Variants in PPP3CC observed in about 807,000 individuals in gnomAD.
PPP3CC encodes serine/threonine-protein phosphatase 2B catalytic subunit gamma isoform.
In PPP3CC, 35 loss-of-function variants were observed where a neutral mutation model predicts 60.3. The observed-to-expected ratio is 0.58, with a 90% confidence interval of 0.44 to 0.77. PPP3CC has a LOEUF of 0.77. Among genes scored for constraint, PPP3CC ranks in the 30% least tolerant of loss-of-function variants. PPP3CC has a pLI of 0.00. For missense variants in PPP3CC, 570 were observed against 628.9 expected (o/e 0.91, Z 1.00); for synonymous variants, 206 against 224.3 (o/e 0.92, Z 0.73).
chr8:22,486,709 A>G (rs1438057244), intron 3 of PPP3CC, among the ~76,000 whole-genome samples: 3 of 151,052 alleles, frequency 2.0e-5, no homozygotes, highest in Non-Finnish European at 4.4e-5. Context: ...TCTCATCTCC[A>G]GACTTGATGT....
intron 1 of PPP3CC, among the ~76,000 whole-genome samples, chr8:22,452,376 T>G (rs1399363945): frequency 6.6e-6 from 1 of 152,154 alleles, no homozygotes; most frequent in Non-Finnish European, 1.5e-5. Flanking sequence ...CTCCTGTTTG[T>G]TTTTCAAGAT....
intron 1 of PPP3CC, among the ~76,000 whole-genome samples, chr8:22,463,989 T>C (rs975614361): frequency 3.3e-5 from 5 of 152,140 alleles, no homozygotes; most frequent in African/African-American, 9.7e-5. Context: ...GGTTTCACCA[T>C]GTTGGTCAGG....
chr8:22,481,379 A>G (rs1322266449), intron 3 of PPP3CC, among the ~76,000 whole-genome samples: 3 of 147,586 alleles, frequency 2.0e-5, no homozygotes, highest in East Asian at 1.9e-4. Flanking sequence ...TAATAATAAT[A>G]ATGATAATAT....
intron 1 of PPP3CC, among the ~76,000 whole-genome samples, chr8:22,442,406 TAGA>T (rs1836699236): frequency 6.6e-6 from 1 of 152,186 alleles, no homozygotes; most frequent in Admixed American, 6.5e-5. Context: ...ATTTTGGTAT[TAGA>T]AGGAGAAAGG....
intron 4 of PPP3CC, among the ~76,000 whole-genome samples, chr8:22,503,509 CTTTT>C (rs1838821183): frequency 6.6e-6 from 1 of 151,884 alleles, no homozygotes; most frequent in South Asian, 2.1e-4. Flanking sequence ...CTTAATTATT[CTTTT>C]GTCTTATCAG....
At chr8:22,500,174 G>A (rs1266040526) in intron 4 of PPP3CC, among the ~76,000 whole-genome samples, 1 of 152,048 alleles carries the variant, frequency 6.6e-6, no homozygotes, top group Non-Finnish European at 1.5e-5. Flanking sequence ...TGTATATTGG[G>A]TTATACGCCA....
At chr8:22,492,636 G>T in intron 3 of PPP3CC, 1 of 639,154 alleles carries the variant, frequency 1.6e-6, no homozygotes, top group East Asian at 3.0e-5. Flanking sequence ...ACAGTTATGA[G>T]CCAGGAAAGA....
intron 12 of PPP3CC, among the ~76,000 whole-genome samples, chr8:22,536,739 G>A (rs1839852572): frequency 6.6e-6 from 1 of 152,122 alleles, no homozygotes; most frequent in Admixed American, 6.5e-5. Context: ...AGTTCCACCA[G>A]CTCATTGGCT....
chr8:22,481,376 A>G (rs796117885), intron 3 of PPP3CC, among the ~76,000 whole-genome samples: 14 of 133,466 alleles, frequency 1.0e-4, no homozygotes, highest in East Asian at 4.9e-4. Flanking sequence ...TAATAATAAT[A>G]ATAATGATAA....
intron 3 of PPP3CC, among the ~76,000 whole-genome samples, chr8:22,477,778 A>T (rs997205418): frequency 6.6e-6 from 1 of 152,160 alleles, no homozygotes; most frequent in Admixed American, 6.5e-5. Flanking sequence ...ATATGGAACT[A>T]TAGATGCACA....
At chr8:22,476,177 T>A (rs1837882744) in intron 3 of PPP3CC, among the ~76,000 whole-genome samples, 1 of 152,194 alleles carries the variant, frequency 6.6e-6, no homozygotes, top group Admixed American at 6.5e-5. Flanking sequence ...TAGGAACATG[T>A]TTAGAATTAA....
chr8:22,533,039 C>G, intron 12 of PPP3CC, 21 bp downstream of exon 12: 2 of 1,517,806 alleles, frequency 1.3e-6, no homozygotes, highest in Non-Finnish European at 1.8e-6. Flanking sequence ...GAGTGCTCCT[C>G]CATGGAAGGT....
intron 1 of PPP3CC, among the ~76,000 whole-genome samples, chr8:22,465,014 G>A (rs1213234237): frequency 6.7e-6 from 1 of 148,802 alleles, no homozygotes; most frequent in African/African-American, 2.5e-5. Context: ...CTGGAATGCA[G>A]TGGTGCTATC....
rs77123777 is a variant in PPP3CC, at chr8:22,497,023, G to A, written c.373-978G>A. Among the ~76,000 whole-genome samples the A allele has an allele frequency of 8.6e-4, 130 of 151,724 alleles. 1 individual carries two copies. In the East Asian group the frequency reaches 0.022, roughly 26 times the overall value. ...TTCTGTTGATTTTTTCTGTATAAAA[G>A]GTCTATTTTTGTTTGTTTGTTTTGA... On this transcript the variant is annotated intron_variant, in intron 3 of 13. Transcript: ENST00000240139.
At chr8:22,447,157 C>T (rs1026688707) in intron 1 of PPP3CC, among the ~76,000 whole-genome samples, 3 of 149,888 alleles carry the variant, frequency 2.0e-5, no homozygotes, top group East Asian at 2.0e-4. Context: ...GCATAGCATA[C>T]GCCACCGTGT....
chr8:22,458,470 C>T (rs938685688), intron 1 of PPP3CC, among the ~76,000 whole-genome samples: 1 of 151,364 alleles, frequency 6.6e-6, no homozygotes, highest in Non-Finnish European at 1.5e-5. Flanking sequence ...TGGTGGTTCT[C>T]AACTGTAATC....
Position 22,441,358 on chromosome 8 carries a change from C to G in PPP3CC, c.-52C>G. On this transcript the variant is annotated 5_prime_UTR_variant, in exon 1 of 14. Transcript: ENST00000240139. Reference sequence around the variant, plus strand: ...CCCGAGGAGAAGGCGGCGGCCGCGGCGTAGGCGCACGTCCGGCGGGCTCCT... The same window carrying G: ...CCCGAGGAGAAGGCGGCGGCCGCGGGGTAGGCGCACGTCCGGCGGGCTCCT... 1 of 1,502,824 alleles carries G rather than the reference C, an allele frequency of 6.7e-7. No homozygotes were observed. 93.1% of individuals were successfully genotyped at this position (1,502,824 alleles called of 1,614,324 possible).
chr8:22,459,823 G>GA (rs1349008135), intron 1 of PPP3CC, among the ~76,000 whole-genome samples: 2 of 152,090 alleles, frequency 1.3e-5, no homozygotes, highest in East Asian at 3.8e-4. Context: ...GAAAGTATAG[G>GA]AAAAATCTTT....
rs754412340 is a variant in PPP3CC, at chr8:22,441,341, G to A, written c.-69G>A. 1 of 1,477,682 alleles carries A rather than the reference G, an allele frequency of 6.8e-7. No homozygotes were observed. Among genetic ancestry groups the A allele is most frequent in the Middle Eastern group, 2.0e-4 (1 of 4,938 alleles). 91.5% of individuals were successfully genotyped at this position (1,477,682 alleles called of 1,614,324 possible). A position where few individuals can be genotyped will look rare whatever the true frequency, so the allele number is the denominator to read the frequency against. On this transcript the variant is annotated 5_prime_UTR_variant, in exon 1 of 14. Coordinates refer to ENST00000240139, the MANE Select transcript of PPP3CC (RefSeq NM_005605.5). ...CCGGGCAGCTAAGGCTGCCCGAGGAGAAGGCGGCGGCCGCGGCGTAGGCGC... is the reference window on the plus strand; with the variant it reads ...CCGGGCAGCTAAGGCTGCCCGAGGAAAAGGCGGCGGCCGCGGCGTAGGCGC...
Sources: gnomAD v4.1 joint callset for allele counts (sites outside exome capture counted in the v4.1 genomes callset) on GRCh38, gnomAD v4.1.1 for gene constraint, MANE v1.5 for transcripts, NCBI Gene and HGNC (gene_info 2026-07-23, HGNC 2026-07-21) for gene names.